GALNT13: variants seen among roughly 807,000 people sequenced by gnomAD.
The protein encoded by GALNT13 is polypeptide N-acetylgalactosaminyltransferase 13, also known as UDP-GalNAc:polypeptide N-acetylgalactosaminyltransferase 13.
GALNT13 carries 28 observed loss-of-function variants against 64.2 expected under a neutral mutation model. The observed-to-expected ratio is 0.44, with a 90% confidence interval of 0.32 to 0.60. The LOEUF is 0.60. Among genes scored for constraint, GALNT13 ranks in the 20% least tolerant of loss-of-function variants. The pLI is 0.05. For missense variants in GALNT13, 577 were observed against 669.8 expected (o/e 0.86, Z 1.53); for synonymous variants, 214 against 224.6 (o/e 0.95, Z 0.42).
chr2:153,113,689 T>G, the GALNT13 span, among the ~76,000 whole-genome samples: 12 of 152,236 alleles, frequency 7.9e-5, no homozygotes, highest in South Asian at 1.9e-3. Context: ...AATTACATAC[T>G]AAGAAATGTG....
chr2:153,296,225 G>A, the GALNT13 span, among the ~76,000 whole-genome samples: 2 of 152,026 alleles, frequency 1.3e-5, no homozygotes, highest in Admixed American at 1.3e-4. Context: ...TCTAGAAAGG[G>A]GACCCCAGGA....
chr2:154,036,378 T>C (rs567585068), intron 3 of GALNT13, among the ~76,000 whole-genome samples: 3 of 152,236 alleles, frequency 2.0e-5, no homozygotes, highest in East Asian at 1.9e-4. Context: ...GCTTAACTTA[T>C]GCAAAATTTA....
chr2:153,103,575 C>T, the GALNT13 span, among the ~76,000 whole-genome samples: 1 of 152,144 alleles, frequency 6.6e-6, no homozygotes, highest in South Asian at 2.1e-4. Context: ...CCTTTCAGGC[C>T]CCTGGGATGT....
chr2:153,181,347 C>T, the GALNT13 span, among the ~76,000 whole-genome samples: 3 of 146,542 alleles, frequency 2.0e-5, no homozygotes, highest in Admixed American at 1.4e-4. Context: ...TAGTTTCATA[C>T]CATTACTGTC....
chr2:154,032,897 G>C (rs1399674181), intron 3 of GALNT13, among the ~76,000 whole-genome samples: 1 of 83,398 alleles, frequency 1.2e-5, no homozygotes, highest in Non-Finnish European at 2.3e-5. Flanking sequence ...CATTGTCCTT[G>C]TGGCATGCAA....
At chr2:153,178,732 CTTTTTTTTTT>C in the GALNT13 span, among the ~76,000 whole-genome samples, 41 of 98,400 alleles carry the variant, frequency 4.2e-4, 1 homozygote, top group African/African-American at 1.4e-3. Flanking sequence ...TTCTCTTCTT[CTTTTTTTTTT>C]TTTTTTTTTT....
chr2:154,040,627 T>C (rs1253103237), intron 3 of GALNT13, among the ~76,000 whole-genome samples: 1 of 140,420 alleles, frequency 7.1e-6, no homozygotes, highest in African/African-American at 2.4e-5. Flanking sequence ...AGTGTTGTCC[T>C]TACACATAGG....
the GALNT13 span, among the ~76,000 whole-genome samples, chr2:153,646,695 G>A: frequency 6.6e-6 from 1 of 152,006 alleles, no homozygotes; most frequent in Non-Finnish European, 1.5e-5. Flanking sequence ...TCCCGCCTAT[G>A]AGTGAGAATA....
chr2:153,189,988 T>C, the GALNT13 span, among the ~76,000 whole-genome samples: 1 of 152,156 alleles, frequency 6.6e-6, no homozygotes, highest in East Asian at 1.9e-4. Flanking sequence ...ATAATCTGAA[T>C]ATTAGTCTCT....
chr2:153,645,557 G>T, the GALNT13 span, among the ~76,000 whole-genome samples: 3 of 152,132 alleles, frequency 2.0e-5, no homozygotes, highest in African/African-American at 7.2e-5. Flanking sequence ...GACTCGTTAA[G>T]TCTATCATTA....
At chr2:153,946,033 A>G (rs1691715490) in intron 3 of GALNT13, among the ~76,000 whole-genome samples, 1 of 152,180 alleles carries the variant, frequency 6.6e-6, no homozygotes, top group Admixed American at 6.6e-5. Context: ...GTTTTTGACA[A>G]ATGAACATGG....
intron 3 of GALNT13, among the ~76,000 whole-genome samples, chr2:154,089,675 C>T (rs1357237409): frequency 1.3e-5 from 2 of 152,030 alleles, no homozygotes; most frequent in Non-Finnish European, 2.9e-5. Context: ...CTCTCATGCT[C>T]AGCTGTGGGT....
At chr2:153,608,336 C>G in the GALNT13 span, among the ~76,000 whole-genome samples, 1 of 152,142 alleles carries the variant, frequency 6.6e-6, no homozygotes, top group Non-Finnish European at 1.5e-5. Flanking sequence ...CAGCTTTTCT[C>G]TCTTATATCC....
chr2:154,285,941 AT>A (rs1367933819), intron 8 of GALNT13, among the ~76,000 whole-genome samples: 1 of 152,144 alleles, frequency 6.6e-6, no homozygotes, highest in East Asian at 1.9e-4. Flanking sequence ...ACTCCTAAGT[AT>A]TTTTTATGTT....
chr2:153,866,770 A>G, the GALNT13 span, among the ~76,000 whole-genome samples: 1 of 152,220 alleles, frequency 6.6e-6, no homozygotes, highest in South Asian at 2.1e-4. Context: ...TTATGCTTGA[A>G]GTAGCTATAT....
At chr2:154,287,767 A>T (rs1250981450) in intron 8 of GALNT13, among the ~76,000 whole-genome samples, 1 of 151,982 alleles carries the variant, frequency 6.6e-6, no homozygotes, top group African/African-American at 2.4e-5. Flanking sequence ...TCTCCATTTC[A>T]TCAAGGTTGG....
intron 9 of GALNT13, among the ~76,000 whole-genome samples, chr2:154,382,215 A>G (rs1045918818): frequency 2.0e-5 from 3 of 152,106 alleles, no homozygotes; most frequent in East Asian, 3.8e-4. Flanking sequence ...TCCTAGACCA[A>G]TGATATCTTG....
chr2:153,911,826 T>A (rs1159624846), intron 2 of GALNT13, among the ~76,000 whole-genome samples: 4 of 152,174 alleles, frequency 2.6e-5, no homozygotes, highest in Non-Finnish European at 5.9e-5. Flanking sequence ...CCTTTGTCTC[T>A]TGGTGCCTTT....
chr2:153,265,939 AC>A, the GALNT13 span, among the ~76,000 whole-genome samples: 1 of 152,236 alleles, frequency 6.6e-6, no homozygotes, highest in African/African-American at 2.4e-5. Context: ...GTAAAATGCT[AC>A]TAAAAAGCAT....
Sources: allele counts gnomAD v4.1 joint callset (sites outside exome capture counted in the v4.1 genomes callset), GRCh38; gene constraint gnomAD v4.1.1; transcripts MANE v1.5; gene names NCBI Gene and HGNC (gene_info 2026-07-23, HGNC 2026-07-21).